The following CACNA2D2 variants were observed in gnomAD, a reference collection of about 807,000 sequenced individuals.
The protein encoded by CACNA2D2 is calcium voltage-gated channel auxiliary subunit alpha2delta 2.
In CACNA2D2, 48 loss-of-function variants were observed where a neutral mutation model predicts 166.4. The observed-to-expected ratio is 0.29, with a 90% CI of 0.23 to 0.37. The LOEUF (loss-of-function observed/expected upper bound fraction) is 0.37. Among genes scored for constraint, CACNA2D2 ranks in the 10% least tolerant of loss-of-function variants. CACNA2D2 has a pLI of 1.00. For synonymous variants in CACNA2D2, 561 were observed against 573.7 expected, an observed-to-expected ratio of 0.98 and a Z score of 0.32; for missense variants, 1,122 against 1,433.0, an observed-to-expected ratio of 0.78 and a Z score of 3.50.
intron 3 of CACNA2D2, among the ~76,000 whole-genome samples, chr3:50,428,990 G>A (rs138693802): frequency 0.011 from 1,705 of 152,282 alleles, 26 homozygotes; most frequent in Middle Eastern, 0.051. Context: ...AGCACTTTGG[G>A]AGGCCGAGGC....
At chr3:50,482,137 C>G (rs935530776) in intron 1 of CACNA2D2, among the ~76,000 whole-genome samples, 4 of 152,216 alleles carry the variant, frequency 2.6e-5, no homozygotes, top group South Asian at 2.1e-4. Flanking sequence ...GCCACTCCCC[C>G]ATCCCAGCCT....
intron 1 of CACNA2D2, among the ~76,000 whole-genome samples, chr3:50,479,733 G>A (rs1697962855): frequency 6.6e-6 from 1 of 152,182 alleles, no homozygotes; most frequent in South Asian, 2.1e-4. Flanking sequence ...GCCCCCACTG[G>A]GTCAAAGATA....
chr3:50,478,282 T>C (rs1697887200), intron 1 of CACNA2D2, among the ~76,000 whole-genome samples: 1 of 152,198 alleles, frequency 6.6e-6, no homozygotes, highest in Non-Finnish European at 1.5e-5. Flanking sequence ...CCCTGGCCCC[T>C]GTCCACCAGG....
rs1286791407 is a variant in CACNA2D2 at position 50,379,079 on chromosome 3, G to A, written c.1260+13C>T. On this transcript the variant is annotated intron_variant, in intron 12 of 37. Coordinates refer to ENST00000424201, the MANE Select transcript of CACNA2D2 (RefSeq NM_006030.4). This position sits in a 1 kb window ranked among gnomAD's most constrained non-coding sequence, Gnocchi z 6.5. ...CCCAGGTCAGGGTAGCCCCTGCCTCGGTTGAGCCTCACCGTCCGGTTTGGC... is the reference window on the plus strand; with the variant it reads ...CCCAGGTCAGGGTAGCCCCTGCCTCAGTTGAGCCTCACCGTCCGGTTTGGC... 4 of 1,613,360 alleles carry A rather than the reference G, an allele frequency of 2.5e-6. No individual in the cohort carries two copies. In the South Asian group the frequency reaches 3.3e-5, roughly 13 times the overall value.
chr3:50,380,730 C>G lies in CACNA2D2; in HGVS notation c.842+18G>C, dbSNP rs745898602. 6.6e-7 allele frequency: 1 copy of G among 1,508,998 alleles called. No individual in the cohort carries two copies. The allele number at this position is 1,508,998 out of a possible 1,614,324, so 93.5% of individuals were successfully genotyped here. ...AACTGAGGGGGTGTCCCTCCCCAGC[C>G]CCTTCTTGCTCGCTCACCAGGGTCT... On this transcript the variant is annotated intron_variant, in intron 8 of 37. Transcript: ENST00000424201. This position sits in a 1 kb window ranked among gnomAD's most constrained non-coding sequence, Gnocchi z 4.9.
At chr3:50,420,647 G>A (rs1707508893) in intron 3 of CACNA2D2, among the ~76,000 whole-genome samples, 1 of 152,168 alleles carries the variant, frequency 6.6e-6, no homozygotes, top group South Asian at 2.1e-4. Flanking sequence ...GGGGCTCCAG[G>A]CAGCCCACCA....
Position 50,379,023 on chromosome 3 carries a change from C to G in CACNA2D2, c.1261-30G>C, listed in dbSNP as rs909157008. 3 of 1,613,790 alleles carry G rather than the reference C, an allele frequency of 1.9e-6. No individual in the cohort carries two copies. In the Middle Eastern group the frequency reaches 4.9e-4, roughly 266 times the overall value. ...GGGGGGTTTGAGGTTACTGCTGTGG[C>G]CACCAGGGGACAGCCCTCTTCTGTA... On this transcript the variant is annotated intron_variant, in intron 12 of 37. Transcript: ENST00000424201. This position sits in a 1 kb window ranked among gnomAD's most constrained non-coding sequence, Gnocchi z 6.5.
chr3:50,370,486 A>C, intron 22 of CACNA2D2, 106 bp from the exon 23 acceptor site: 13 of 111,902 alleles, frequency 1.2e-4, no homozygotes, highest in East Asian at 2.6e-4. Flanking sequence ...GGCTGGAGGG[A>C]GGGGGAGACA....
intron 4 of CACNA2D2, among the ~76,000 whole-genome samples, chr3:50,390,860 C>A (rs587643542): frequency 6.6e-6 from 1 of 152,208 alleles, no homozygotes; most frequent in Non-Finnish European, 1.5e-5. Flanking sequence ...AAGTTCAGTG[C>A]TTGGAAGGTG....
chr3:50,466,755 G>A (rs887497969), intron 2 of CACNA2D2, among the ~76,000 whole-genome samples: 2 of 152,224 alleles, frequency 1.3e-5, no homozygotes, highest in South Asian at 2.1e-4. Context: ...CCTGCACTCA[G>A]GTGGACTCCT....
chr3:50,439,377 C>T (rs1437846465), intron 2 of CACNA2D2, among the ~76,000 whole-genome samples: 3 of 152,240 alleles, frequency 2.0e-5, no homozygotes, highest in Admixed American at 2.0e-4. Flanking sequence ...GGTGAACAGC[C>T]CTAATCTCTG....
upstream of CACNA2D2, chr3:50,503,748 C>T (rs1325945128): frequency 6.6e-6 from 1 of 152,176 alleles, no homozygotes; most frequent in Non-Finnish European, 1.5e-5. Context: ...CCCCGCGCGC[C>T]CCCGCCGCGG....
In CACNA2D2 at chr3:50,387,601, G is replaced by T; in HGVS notation, c.477C>A (p.Ile159=). The T allele has an allele frequency of 6.2e-7, 1 of 1,613,440 alleles. No homozygotes were observed. Among genetic ancestry groups the T allele is most frequent in the African/African-American group, 1.3e-5 (1 of 75,032 alleles). ...CGTCAGCCTTGGCGTCATAGTACAC[G>T]ATGTCTTCCTCCTGGTGAGGGGAGA... The part of the protein sequence containing the change: ...RWQDNIKEED[I]VYYDAKADAE... The change falls in exon 5 of 38, where the codon ATC becomes ATA. Residue 159 remains isoleucine (I), a synonymous_variant. Transcript: ENST00000424201.
At chr3:50,421,933 AGGAAGGAATACGAGAGGCAGGCAGGAG>A (rs2106842032) in intron 3 of CACNA2D2, among the ~76,000 whole-genome samples, 1 of 152,130 alleles carries the variant, frequency 6.6e-6, no homozygotes, top group African/African-American at 2.4e-5. Context: ...CAGACATCTG[AGGAAGGAATACGAGAGGCAGGCAGGAG>A]GCACTGCCTG....
intron 3 of CACNA2D2, among the ~76,000 whole-genome samples, chr3:50,425,171 A>G (rs1026012107): frequency 6.6e-6 from 1 of 151,954 alleles, no homozygotes; most frequent in Non-Finnish European, 1.5e-5. Flanking sequence ...TCACCCCCAC[A>G]CACCCTCTCC....
At chr3:50,439,612 G>C (rs1708498301) in intron 2 of CACNA2D2, among the ~76,000 whole-genome samples, 1 of 152,246 alleles carries the variant, frequency 6.6e-6, no homozygotes, top group South Asian at 2.1e-4. Flanking sequence ...TGTCCATTAG[G>C]CCCCTGCAGG....
At chr3:50,423,196 G>A (rs1011407045) in intron 3 of CACNA2D2, among the ~76,000 whole-genome samples, 7 of 152,154 alleles carry the variant, frequency 4.6e-5, no homozygotes, top group African/African-American at 7.2e-5. Flanking sequence ...GCCCCATCCC[G>A]GCAGTCCCAT....
chr3:50,465,372 C>G (rs1312613553), intron 2 of CACNA2D2, among the ~76,000 whole-genome samples: 1 of 152,210 alleles, frequency 6.6e-6, no homozygotes, highest in Non-Finnish European at 1.5e-5. Flanking sequence ...GCTCCTCCGT[C>G]AGCACCTGAT....
At chr3:50,417,264 C>T (rs969586253) in intron 3 of CACNA2D2, among the ~76,000 whole-genome samples, 25 of 152,168 alleles carry the variant, frequency 1.6e-4, no homozygotes, top group Admixed American at 1.4e-3. Flanking sequence ...CACACCTTAG[C>T]CATACATACA....
Sources: gnomAD v4.1 joint callset for allele counts (sites outside exome capture counted in the v4.1 genomes callset) on GRCh38, gnomAD v4.1.1 for gene constraint, Gnocchi (gnomAD v3.1) non-coding constraint, MANE v1.5 for transcripts, NCBI Gene and HGNC (gene_info 2026-07-23, HGNC 2026-07-21) for gene names.